The following SS18 variants were observed in gnomAD, a reference collection of about 807,000 sequenced individuals.
The protein encoded by SS18 is protein SSXT.
A neutral mutation model predicts 72.5 loss-of-function variants in SS18; 28 were observed. The ratio of observed to expected loss-of-function variants is 0.39; its 90% CI spans 0.29 to 0.53. The LOEUF is 0.53. Ranked by LOEUF, SS18 falls within the 20% of genes least tolerant of loss-of-function variation. The pLI, the probability that SS18 is intolerant of heterozygous loss-of-function variation, is 0.76. For missense variants in SS18, 518 were observed against 535.3 expected, an observed-to-expected ratio of 0.97 and a Z score of 0.32; for synonymous variants, 172 against 164.2, an observed-to-expected ratio of 1.05 and a Z score of -0.37.
At chr18:26,028,846 G>A (rs985093988) in intron 10 of SS18, among the ~76,000 whole-genome samples, 2 of 152,134 alleles carry the variant, frequency 1.3e-5, no homozygotes, top group Admixed American at 6.5e-5. Context: ...TGGTTTCACA[G>A]GTGTGTATAT....
chr18:26,043,332 G>GT (rs2053762191), intron 5 of SS18, among the ~76,000 whole-genome samples: 1 of 152,054 alleles, frequency 6.6e-6, no homozygotes. Flanking sequence ...CTCTATCACT[G>GT]TAATATAAAA....
At chr18:26,039,168 C>CAAAAAAAAAAAAAAAA (rs34318951) in intron 6 of SS18, 121 bp downstream of exon 6, 1 of 236,436 alleles carries the variant, frequency 4.2e-6, no homozygotes, top group Non-Finnish European at 7.2e-6. Flanking sequence ...TACCTTTTGT[C>CAAAAAAAAAAAAAAAA]AAAAAAAAAA....
At chr18:26,070,017 A>T (rs2054286470) in intron 3 of SS18, among the ~76,000 whole-genome samples, 1 of 152,102 alleles carries the variant, frequency 6.6e-6, no homozygotes, top group African/African-American at 2.4e-5. Flanking sequence ...AGGTGCGGGG[A>T]GGGGATGAGG....
chr18:26,055,887 A>G (rs2054012192), intron 4 of SS18, among the ~76,000 whole-genome samples: 1 of 151,082 alleles, frequency 6.6e-6, no homozygotes, highest in Non-Finnish European at 1.5e-5. Flanking sequence ...CCTCCTGAGT[A>G]GCTGGGATTA....
intron 5 of SS18, among the ~76,000 whole-genome samples, chr18:26,047,053 T>C (rs1361564639): frequency 2.0e-5 from 3 of 152,100 alleles, no homozygotes; most frequent in Admixed American, 6.5e-5. Flanking sequence ...TATATCAGAA[T>C]TGCATACAGC....
In SS18 at chr18:26,018,374, A is replaced by G. The variant is rs2053285227; in HGVS notation, c.1237T>C (p.Tyr413His). 1.3e-6 allele frequency: 2 copies of G among 1,593,106 alleles called. No individual in the cohort carries two copies. Among genetic ancestry groups the G allele is most frequent in the South Asian group, 2.2e-5 (2 of 90,270 alleles). Residue 413 changes from tyrosine (Y) to histidine (H), a missense_variant, in exon 11 of 11, where the codon TAT (tyrosine) becomes CAT (histidine). Coordinates refer to ENST00000415083, the MANE Select transcript of SS18 (RefSeq NM_001007559.3). The part of the protein sequence containing the change: ...QRPYGYDQGQ[Y>H]GNYQQ ...CTTTTTCACTGCTGGTAATTTCCAT[A>G]CTGTCCCTAAAAGATAAATTTAAAA...
At chr18:26,047,539 T>G (rs955466086) in intron 5 of SS18, among the ~76,000 whole-genome samples, 3 of 152,156 alleles carry the variant, frequency 2.0e-5, no homozygotes, top group African/African-American at 7.2e-5. Context: ...ACAAACTATT[T>G]TAAAAAGTTA....
intron 3 of SS18, among the ~76,000 whole-genome samples, chr18:26,074,076 G>A (rs2054365190): frequency 1.3e-5 from 2 of 152,178 alleles, no homozygotes; most frequent in South Asian, 4.1e-4. Context: ...TTTCTGATGA[G>A]ATTAGAGGTG....
chr18:26,069,688 T>C (rs1252573954), intron 3 of SS18, among the ~76,000 whole-genome samples: 2 of 152,174 alleles, frequency 1.3e-5, no homozygotes, highest in Non-Finnish European at 2.9e-5. Flanking sequence ...TGTTTGATTA[T>C]ACAGAAATAT....
chr18:26,089,536 G>A (rs2054676877), intron 1 of SS18, among the ~76,000 whole-genome samples: 1 of 152,186 alleles, frequency 6.6e-6, no homozygotes, highest in Non-Finnish European at 1.5e-5. Flanking sequence ...TTGCTACACA[G>A]CATAAAACAA....
chr18:26,025,612 G>A (rs1423435537), intron 10 of SS18, among the ~76,000 whole-genome samples: 1 of 151,826 alleles, frequency 6.6e-6, no homozygotes, highest in Non-Finnish European at 1.5e-5. Context: ...CAACTCCAAT[G>A]AAAAACACAC....
chr18:26,027,990 G>C (rs2053480485), intron 10 of SS18, among the ~76,000 whole-genome samples: 1 of 151,458 alleles, frequency 6.6e-6, no homozygotes, highest in Admixed American at 6.6e-5. Context: ...TCCTGTCTTT[G>C]AAAGACACTA....
chr18:26,031,897 C>T (rs1261606930), intron 10 of SS18, among the ~76,000 whole-genome samples: 2 of 151,904 alleles, frequency 1.3e-5, no homozygotes, highest in Non-Finnish European at 2.9e-5. Flanking sequence ...CAGATGGACT[C>T]CACATCTCAG....
intron 10 of SS18, among the ~76,000 whole-genome samples, chr18:26,022,945 TCTTAC>T (rs2053378647): frequency 6.6e-6 from 1 of 152,188 alleles, no homozygotes; most frequent in African/African-American, 2.4e-5. Context: ...CCCAAAAGGC[TCTTAC>T]CTTATCAGTG....
At chr18:26,081,585 G>A (rs917912870) in intron 2 of SS18, among the ~76,000 whole-genome samples, 1 of 151,964 alleles carries the variant, frequency 6.6e-6, no homozygotes, top group South Asian at 2.1e-4. Flanking sequence ...TTGTATATAG[G>A]TCACCTAAAA....
At position 26,064,916 on chromosome 18, in the gene SS18, AT is replaced by A. The variant is rs544686614; in HGVS notation, c.232-7175del. Reference sequence around the variant, plus strand: ...TAAGTGAATATAATAACTAAGGTCAATATATAAAGATCAACTATATTTCTAT... The same window carrying A: ...TAAGTGAATATAATAACTAAGGTCAAATATAAAGATCAACTATATTTCTAT... On this transcript the variant is annotated intron_variant, in intron 3 of 10. Coordinates refer to ENST00000415083, the MANE Select transcript of SS18 (RefSeq NM_001007559.3). 2.1e-4 allele frequency: 32 copies of A among 152,254 alleles called. No homozygotes were observed. The East Asian group carries it at 5.8e-3, about 27-fold the overall frequency. The allele number at this position is 152,254 out of a possible 1,614,324, so 9.4% of individuals were successfully genotyped here.
chr18:26,079,098 G>C (rs1429709591), intron 2 of SS18: 1 of 152,094 alleles, frequency 6.6e-6, no homozygotes, highest in African/African-American at 2.4e-5. Flanking sequence ...ACAGCATATA[G>C]AGAAGGCAAT....
chr18:26,024,007 T>G (rs1475159024), intron 10 of SS18, among the ~76,000 whole-genome samples: 1 of 152,174 alleles, frequency 6.6e-6, no homozygotes, highest in Non-Finnish European at 1.5e-5. Context: ...ATAGGCATAC[T>G]ATCACTTGAA....
intron 10 of SS18, among the ~76,000 whole-genome samples, chr18:26,028,575 A>C (rs1447846275): frequency 6.6e-6 from 1 of 152,252 alleles, no homozygotes; most frequent in East Asian, 1.9e-4. Context: ...ATATAATGGA[A>C]CACTACTTAG....
Sources: gnomAD v4.1 joint callset for allele counts (sites outside exome capture counted in the v4.1 genomes callset) on GRCh38, gnomAD v4.1.1 for gene constraint, MANE v1.5 for transcripts, NCBI Gene and HGNC (gene_info 2026-07-23, HGNC 2026-07-21) for gene names.